Variants in ARHGAP24 observed in about 807,000 individuals in gnomAD.
ARHGAP24 encodes rho GTPase-activating protein 24.
Under a neutral mutation model 76.4 loss-of-function variants are expected in ARHGAP24, and 50 were observed. The ratio of observed to expected loss-of-function variants is 0.65; its 90% CI spans 0.52 to 0.83. The LOEUF (loss-of-function observed/expected upper bound fraction) is 0.83, where lower values mean the gene tolerates loss of function less well. Among genes scored for constraint, ARHGAP24 ranks in the 40% least tolerant of loss-of-function variants. ARHGAP24 has a pLI of 0.00. For missense variants in ARHGAP24, 930 were observed against 914.2 expected (o/e 1.02, Z -0.22); for synonymous variants, 345 against 323.3 (o/e 1.07, Z -0.72).
chr4:85,905,214 G>A (rs6531881), intron 3 of ARHGAP24, among the ~76,000 whole-genome samples: 2 of 152,010 alleles, frequency 1.3e-5, no homozygotes, highest in African/African-American at 4.8e-5. Flanking sequence ...GCAAAGTAGT[G>A]TTTGTTTTAC....
At chr4:85,590,803 C>G (rs1256217344) in intron 2 of ARHGAP24, among the ~76,000 whole-genome samples, 1 of 151,988 alleles carries the variant, frequency 6.6e-6, no homozygotes, top group African/African-American at 2.4e-5. Flanking sequence ...TATTATTGTA[C>G]TTTTAAGTAG....
chr4:85,952,448 C>A, intron 5 of ARHGAP24, among the ~76,000 whole-genome samples: 1 of 152,096 alleles, frequency 6.6e-6, no homozygotes, highest in East Asian at 1.9e-4. Flanking sequence ...AGCTATGGAT[C>A]CATTTGGGAT....
At chr4:85,809,592 G>A (rs1293269739) in intron 3 of ARHGAP24, among the ~76,000 whole-genome samples, 3 of 152,122 alleles carry the variant, frequency 2.0e-5, no homozygotes, top group Non-Finnish European at 4.4e-5. Context: ...CCTACTTCAG[G>A]ACCTTCAATG....
At chr4:85,564,403 G>T (rs1290329130) in intron 1 of ARHGAP24, among the ~76,000 whole-genome samples, 3 of 144,630 alleles carry the variant, frequency 2.1e-5, no homozygotes, top group Non-Finnish European at 4.4e-5. Flanking sequence ...TGGGGTGGGG[G>T]GAGCGGGGGG....
chr4:85,662,287 A>G (rs1006164147), intron 2 of ARHGAP24, among the ~76,000 whole-genome samples: 29 of 151,878 alleles, frequency 1.9e-4, no homozygotes, highest in Admixed American at 9.8e-4. Flanking sequence ...GCATTTTTTC[A>G]TGTGTTTTTT....
At chr4:85,634,433 A>G (rs1303221658) in intron 2 of ARHGAP24, among the ~76,000 whole-genome samples, 1 of 151,870 alleles carries the variant, frequency 6.6e-6, no homozygotes, top group Non-Finnish European at 1.5e-5. Context: ...AAATATGTCC[A>G]AATCCTGGTG....
In ARHGAP24 at chr4:85,850,516, T is replaced by C. The variant is rs189119848; in HGVS notation, c.269-73132T>C. ...GCTTTTGAATGTGTTTGCTCTTGCT[T>C]CTCAGTTCTTTTAACTGTGATGTTA... On this transcript the variant is annotated intron_variant, in intron 3 of 9. Transcript: ENST00000395184. Among the ~76,000 whole-genome samples the C allele has an allele frequency of 6.6e-5, 10 of 152,312 alleles. No homozygotes were observed. In the East Asian group the frequency reaches 1.9e-3, roughly 29 times the overall value.
intron 4 of ARHGAP24, chr4:85,930,830 A>G (rs1294507748): frequency 1.3e-6 from 2 of 1,582,180 alleles, no homozygotes; most frequent in East Asian, 2.3e-5. Context: ...CAGCACTTCA[A>G]AAATAACAAG....
chr4:85,486,744 C>T (rs1223687429), intron 1 of ARHGAP24, among the ~76,000 whole-genome samples: 1 of 152,116 alleles, frequency 6.6e-6, no homozygotes, highest in Non-Finnish European at 1.5e-5. Context: ...AATGAAATGG[C>T]TTGCGGAAGT....
Position 85,994,924 on chromosome 4 carries a change from C to T in ARHGAP24, c.1270C>T (p.Pro424Ser). The change falls in exon 9 of 10, where the codon CCA becomes TCA. Residue 424 changes from proline (P) to serine (S), a missense_variant. Physicochemically the swap from Pro to Ser is moderately conservative, Grantham distance 74. Coordinates refer to ENST00000395184, the MANE Select transcript of ARHGAP24 (RefSeq NM_001025616.3). Reference protein sequence around the residue: ...RSPPLMVKKNPAFNKGSGIVT... With the variant: ...RSPPLMVKKNSAFNKGSGIVT... ...CCCCCCTCTCATGGTCAAAAAGAACCCAGCCTTTAATAAGGGTAGTGGGAT... is the reference window on the plus strand; with the variant it reads ...CCCCCCTCTCATGGTCAAAAAGAACTCAGCCTTTAATAAGGGTAGTGGGAT... 6.2e-7 allele frequency: 1 copy of T among 1,614,010 alleles called. No homozygotes were observed. The highest frequency in any genetic ancestry group is 1.1e-5 in the South Asian group (1 of 91,064).
At chr4:85,817,168 G>A (rs532959607) in intron 3 of ARHGAP24, among the ~76,000 whole-genome samples, 3 of 151,916 alleles carry the variant, frequency 2.0e-5, no homozygotes, top group African/African-American at 7.3e-5. Context: ...TTGTACATTA[G>A]CTCCTTATCA....
At chr4:85,588,828 AG>A (rs1727970309) in intron 2 of ARHGAP24, among the ~76,000 whole-genome samples, 1 of 152,196 alleles carries the variant, frequency 6.6e-6, no homozygotes, top group Admixed American at 6.5e-5. Context: ...ATGCATAGGA[AG>A]AGTATGAAGA....
intron 2 of ARHGAP24, among the ~76,000 whole-genome samples, chr4:85,655,792 T>TATAGAGAGAG (rs1553920518): frequency 5.2e-3 from 196 of 37,662 alleles, no homozygotes; most frequent in Middle Eastern, 0.022. Context: ...TATATATATA[T>TATAGAGAGAG]AGAGAGAGAG....
chr4:85,600,960 G>A (rs777144648), intron 2 of ARHGAP24, among the ~76,000 whole-genome samples: 2 of 152,120 alleles, frequency 1.3e-5, no homozygotes, highest in Non-Finnish European at 2.9e-5. Flanking sequence ...GGCAAGTGAT[G>A]GCTAAAAAGG....
chr4:85,949,165 T>C (rs1046141093), intron 5 of ARHGAP24, among the ~76,000 whole-genome samples: 2 of 152,190 alleles, frequency 1.3e-5, no homozygotes, highest in Non-Finnish European at 2.9e-5. Flanking sequence ...AGCAATTTTT[T>C]TCCCCTGTTC....
chr4:85,612,779 A>G (rs13103706), intron 2 of ARHGAP24, among the ~76,000 whole-genome samples: 80,595 of 135,844 alleles, frequency 0.59, 23,983 homozygotes, highest in Non-Finnish European at 0.65. Context: ...CTAAAGCCCT[A>G]TCCTTTCCAT....
chr4:85,865,515 A>C (rs1473554160), intron 3 of ARHGAP24, among the ~76,000 whole-genome samples: 1 of 147,596 alleles, frequency 6.8e-6, no homozygotes, highest in East Asian at 1.9e-4. Context: ...AAAAACAATA[A>C]ATAATTTTAT....
At chr4:85,781,537 A>G (rs1211572504) in intron 3 of ARHGAP24, among the ~76,000 whole-genome samples, 1 of 149,062 alleles carries the variant, frequency 6.7e-6, no homozygotes, top group Non-Finnish European at 1.5e-5. Flanking sequence ...CACATTGTGA[A>G]GACTTTTGTA....
At chr4:85,606,808 T>C (rs910810614) in intron 2 of ARHGAP24, among the ~76,000 whole-genome samples, 2 of 152,180 alleles carry the variant, frequency 1.3e-5, no homozygotes, top group African/African-American at 4.8e-5. Flanking sequence ...TGTGTAATGT[T>C]CTAGATAGAG....
Sources: gnomAD v4.1 joint callset for allele counts (sites outside exome capture counted in the v4.1 genomes callset) on GRCh38, gnomAD v4.1.1 for gene constraint, MANE v1.5 for transcripts, NCBI Gene and HGNC (gene_info 2026-07-23, HGNC 2026-07-21) for gene names.